Variants in SGCD observed in about 807,000 individuals in gnomAD.
The protein encoded by SGCD is sarcoglycan delta, also known as delta-sarcoglycan.
Under a neutral mutation model 36.6 loss-of-function variants are expected in SGCD, and 18 were observed. The ratio of observed to expected loss-of-function variants is 0.49; its 90% CI spans 0.34 to 0.73. The LOEUF (loss-of-function observed/expected upper bound fraction) is 0.73, where lower values mean the gene tolerates loss of function less well. Among genes scored for constraint, SGCD ranks in the 30% least tolerant of loss-of-function variants. The probability of loss-of-function intolerance (pLI) is 0.01; values close to 1 mark genes in which losing one functional copy is unlikely to be tolerated. For synonymous variants in SGCD, 133 were observed against 130.6 expected, an observed-to-expected ratio of 1.02 and a Z score of -0.12; for missense variants, 387 against 346.7, an observed-to-expected ratio of 1.12 and a Z score of -0.92.
chr5:156,125,869 A>G (rs113958136), intron 3 of SGCD, among the ~76,000 whole-genome samples: 3 of 145,470 alleles, frequency 2.1e-5, no homozygotes, highest in African/African-American at 7.5e-5. Flanking sequence ...TATTATTATT[A>G]TTATTATTAT....
intron 1 of SGCD, among the ~76,000 whole-genome samples, chr5:155,951,311 C>A (rs78679054): frequency 0.018 from 2,778 of 152,242 alleles, 39 homozygotes; most frequent in Non-Finnish European, 0.03. Flanking sequence ...GTGGACAAAT[C>A]ATGGCACATT....
intron 3 of SGCD, among the ~76,000 whole-genome samples, chr5:156,495,089 C>T (rs1368300): frequency 0.2 from 30,584 of 151,988 alleles, 3,208 homozygotes; most frequent in Non-Finnish European, 0.23. Flanking sequence ...CAGTGATTTC[C>T]GCATGCGGTA....
At chr5:156,432,310 G>A (rs1753056520) in intron 3 of SGCD, among the ~76,000 whole-genome samples, 1 of 152,204 alleles carries the variant, frequency 6.6e-6, no homozygotes, top group African/African-American at 2.4e-5. Flanking sequence ...CATGTTACAG[G>A]TGGTGGAATT....
chr5:156,662,981 C>T (rs968457988), intron 7 of SGCD, among the ~76,000 whole-genome samples: 3 of 150,302 alleles, frequency 2.0e-5, no homozygotes, highest in Non-Finnish European at 4.4e-5. Context: ...AAAAGGATAC[C>T]CTATTCCTTC....
chr5:156,245,208 A>G (rs1765411436), intron 3 of SGCD, among the ~76,000 whole-genome samples: 3 of 152,188 alleles, frequency 2.0e-5, no homozygotes, highest in African/African-American at 7.2e-5. Context: ...ATATCTTCTC[A>G]TTAATCTTAA....
chr5:156,087,719 T>C (rs759480257), intron 1 of SGCD, among the ~76,000 whole-genome samples: 5 of 151,996 alleles, frequency 3.3e-5, no homozygotes, highest in African/African-American at 4.8e-5. Context: ...TTGCCACTTA[T>C]CAGAGATGTA....
chr5:156,758,602 T>C (rs1046366573), intron 8 of SGCD, among the ~76,000 whole-genome samples: 1 of 152,186 alleles, frequency 6.6e-6, no homozygotes, highest in Admixed American at 6.5e-5. Context: ...ACCACACACA[T>C]ATAAAAATAG....
intron 1 of SGCD, among the ~76,000 whole-genome samples, chr5:156,027,526 A>C (rs547096609): frequency 6.6e-6 from 1 of 152,278 alleles, no homozygotes; most frequent in African/African-American, 2.4e-5. Flanking sequence ...ATCATGATGA[A>C]TTTTATTCTA....
At chr5:156,087,499 G>A (rs1761127702) in intron 1 of SGCD, among the ~76,000 whole-genome samples, 1 of 151,978 alleles carries the variant, frequency 6.6e-6, no homozygotes, top group African/African-American at 2.4e-5. Context: ...AATTAGCTGG[G>A]CATGGTGGCA....
chr5:156,469,176 A>G (rs947430822), intron 3 of SGCD, among the ~76,000 whole-genome samples: 25 of 152,124 alleles, frequency 1.6e-4, no homozygotes, highest in African/African-American at 6.0e-4. Context: ...CTCTGTGTCT[A>G]CCCAAGCTTG....
At chr5:156,002,399 C>T (rs1029758260) in intron 1 of SGCD, among the ~76,000 whole-genome samples, 3 of 152,208 alleles carry the variant, frequency 2.0e-5, no homozygotes, top group Non-Finnish European at 2.9e-5. Context: ...GTTTGAGCCA[C>T]TCAGCCTTGT....
intron 3 of SGCD, among the ~76,000 whole-genome samples, chr5:156,353,090 G>T (rs1438729723): frequency 6.6e-6 from 1 of 152,222 alleles, no homozygotes; most frequent in African/African-American, 2.4e-5. Context: ...CAGCCAGCAT[G>T]TTCCATAACT....
At chr5:156,267,679 T>C (rs1430985211) in intron 3 of SGCD, among the ~76,000 whole-genome samples, 2 of 151,678 alleles carry the variant, frequency 1.3e-5, no homozygotes, top group East Asian at 3.9e-4. Flanking sequence ...TCTGCAAGAA[T>C]GAAACTGGTT....
intron 3 of SGCD, among the ~76,000 whole-genome samples, chr5:156,218,455 A>T (rs1764632411): frequency 6.6e-6 from 1 of 152,218 alleles, no homozygotes; most frequent in Admixed American, 6.5e-5. Flanking sequence ...AAAAATTAGT[A>T]GAAATTAACC....
At chr5:156,547,319 C>A (rs34260400) in intron 4 of SGCD, among the ~76,000 whole-genome samples, 12,847 of 152,220 alleles carry the variant, frequency 0.084, 764 homozygotes, top group Middle Eastern at 0.14. Context: ...TTTCTCCTGA[C>A]CTTGCCACAT....
In SGCD at chr5:156,419,434, G is replaced by A. The variant is rs1453078013; in HGVS notation, c.192+74757G>A. ...GTGTTCTGTTGGTGAGATAATGTAT[G>A]GATCTTTATTTAGTCCCTGACATCA... On this transcript the variant is annotated intron_variant, in intron 3 of 8. Coordinates refer to ENST00000337851, the MANE Select transcript of SGCD (RefSeq NM_000337.6). 2.6e-5 allele frequency among the ~76,000 whole-genome samples: 4 copies of A among 152,022 alleles called. No individual in the cohort carries two copies. In the East Asian group the frequency reaches 7.7e-4, roughly 29 times the overall value.
intron 4 of SGCD, among the ~76,000 whole-genome samples, chr5:156,585,920 G>A (rs779294732): frequency 6.6e-6 from 1 of 152,056 alleles, no homozygotes; most frequent in African/African-American, 2.4e-5. Context: ...TGTGAAGCAA[G>A]TACAAGGGTA....
chr5:155,757,488 T>C, the SGCD span, among the ~76,000 whole-genome samples: 2 of 152,212 alleles, frequency 1.3e-5, no homozygotes, highest in African/African-American at 4.8e-5. Flanking sequence ...AGACAGAACC[T>C]TGGAGAACTC....
the SGCD span, among the ~76,000 whole-genome samples, chr5:155,783,633 C>A: frequency 1.3e-5 from 2 of 151,816 alleles, no homozygotes; most frequent in East Asian, 3.9e-4. Flanking sequence ...AATTAAACAA[C>A]CTAGAATAAA....
Sources: gnomAD v4.1 joint callset for allele counts (sites outside exome capture counted in the v4.1 genomes callset) on GRCh38, gnomAD v4.1.1 for gene constraint, MANE v1.5 for transcripts, NCBI Gene and HGNC (gene_info 2026-07-23, HGNC 2026-07-21) for gene names.